The following BLNK variants were observed in gnomAD, a reference collection of about 807,000 sequenced individuals.
The protein encoded by BLNK is B cell linker.
Under a neutral mutation model 73.5 loss-of-function variants are expected in BLNK, and 29 were observed. That is an observed-to-expected ratio of 0.39 (90% CI 0.29 to 0.54). The LOEUF is 0.54. Among genes scored for constraint, BLNK ranks in the 20% least tolerant of loss-of-function variants. The pLI, the probability that BLNK is intolerant of heterozygous loss-of-function variation, is 0.61. For missense variants in BLNK, 460 were observed against 562.8 expected (o/e 0.82, Z 1.85); for synonymous variants, 176 against 200.8 (o/e 0.88, Z 1.04).
intron 1 of BLNK, among the ~76,000 whole-genome samples, chr10:96,252,213 G>C (rs1322993775): frequency 3.3e-5 from 5 of 151,888 alleles, no homozygotes; most frequent in African/African-American, 4.8e-5. Flanking sequence ...CACCATGCCG[G>C]GCTAATTTTT....
chr10:96,244,721 A>G (rs543218154), intron 2 of BLNK, among the ~76,000 whole-genome samples: 1 of 152,278 alleles, frequency 6.6e-6, no homozygotes, highest in Non-Finnish European at 1.5e-5. Context: ...CTGAGAAGAA[A>G]CATGGTTTGT....
chr10:96,235,147 C>T (rs1230249844), intron 3 of BLNK, among the ~76,000 whole-genome samples: 1 of 152,228 alleles, frequency 6.6e-6, no homozygotes, highest in Admixed American at 6.5e-5. Context: ...GGCTTAAGCT[C>T]TGGGGTCAGA....
chr10:96,268,328 A>G (rs1554914759), intron 1 of BLNK, among the ~76,000 whole-genome samples: 1 of 152,196 alleles, frequency 6.6e-6, no homozygotes, highest in African/African-American at 2.4e-5. Context: ...AGAAAGGTGA[A>G]ATTTTTATGA....
intron 13 of BLNK, among the ~76,000 whole-genome samples, chr10:96,202,882 G>A (rs1554896576): frequency 6.6e-6 from 1 of 152,182 alleles, no homozygotes; most frequent in Admixed American, 6.5e-5. Flanking sequence ...CCAGCTCTTT[G>A]TGGAATGAGC....
intron 9 of BLNK, among the ~76,000 whole-genome samples, chr10:96,209,313 C>T (rs2083893688): frequency 1.3e-5 from 2 of 152,216 alleles, no homozygotes; most frequent in Admixed American, 1.3e-4. Flanking sequence ...TCTTGTGGAA[C>T]ACTGTAAGTT....
chr10:96,195,023 C>T (rs587645598), intron 16 of BLNK, among the ~76,000 whole-genome samples: 286 of 152,104 alleles, frequency 1.9e-3, no homozygotes, highest in African/African-American at 6.7e-3. Context: ...CCCGTCTCGG[C>T]CTCCCAAAGT....
rs368334621 is a variant in BLNK at position 96,191,603 on chromosome 10, A to G, written c.*370T>C. The G allele has an allele frequency of 1.1e-5, 2 of 185,628 alleles. No homozygotes were observed. The highest frequency in any genetic ancestry group is 1.1e-4 in the South Asian group (1 of 9,302). The allele number at this position is 185,628 out of a possible 1,614,324, so 11.5% of individuals were successfully genotyped here. On this transcript the variant is annotated 3_prime_UTR_variant, in exon 17 of 17. Coordinates refer to ENST00000224337, the MANE Select transcript of BLNK (RefSeq NM_013314.4). Reference sequence around the variant, plus strand: ...CATTGGCAGTGGAGAGCCCAGCTACATTAGTGTACCAATGATCATTGTGGA... The same window carrying G: ...CATTGGCAGTGGAGAGCCCAGCTACGTTAGTGTACCAATGATCATTGTGGA...
chr10:96,211,096 T>C (rs1350389354), intron 8 of BLNK, among the ~76,000 whole-genome samples: 1 of 152,078 alleles, frequency 6.6e-6, no homozygotes, highest in Non-Finnish European at 1.5e-5. Flanking sequence ...ACTCCTGGAC[T>C]CAATCCATCC....
intron 1 of BLNK, among the ~76,000 whole-genome samples, chr10:96,265,945 CA>C (rs1843978209): frequency 6.6e-6 from 1 of 152,188 alleles, no homozygotes; most frequent in Non-Finnish European, 1.5e-5. Flanking sequence ...CCCTTGGGGA[CA>C]AAATTGCCCC....
intron 1 of BLNK, among the ~76,000 whole-genome samples, chr10:96,267,137 G>A (rs1564856700): frequency 6.6e-6 from 1 of 152,198 alleles, no homozygotes; most frequent in Non-Finnish European, 1.5e-5. Context: ...CTTTGAGAAT[G>A]TAACATATGT....
intron 2 of BLNK, 133 bp downstream of exon 2, chr10:96,246,851 C>T (rs1843063145): frequency 1.6e-6 from 1 of 642,758 alleles, no homozygotes; most frequent in Admixed American, 2.8e-5. Flanking sequence ...GGATTCCAGC[C>T]AATAGTAAAG....
At chr10:96,238,389 A>C (rs899767574) in intron 3 of BLNK, among the ~76,000 whole-genome samples, 6 of 152,166 alleles carry the variant, frequency 3.9e-5, no homozygotes, top group Admixed American at 6.5e-5. Flanking sequence ...GAGGACATAA[A>C]TCCAATGTGT....
chr10:96,229,417 G>T lies in BLNK; in HGVS notation c.204+1377C>A, dbSNP rs1464126484. Among the ~76,000 whole-genome samples the T allele has an allele frequency of 3.3e-5, 5 of 152,054 alleles. No homozygotes were observed. The East Asian group carries it at 9.6e-4, about 29-fold the overall frequency. ...CTGGATTTCATTCTGCGTGCAGTGG[G>T]GATCCATCTACTGAAGTCAAAAGAG... is the stretch of plus-strand genomic sequence containing the variant. On this transcript the variant is annotated intron_variant, in intron 4 of 16. Coordinates refer to ENST00000224337, the MANE Select transcript of BLNK (RefSeq NM_013314.4).
intron 3 of BLNK, among the ~76,000 whole-genome samples, chr10:96,240,055 C>T (rs942104982): frequency 2.6e-5 from 4 of 152,214 alleles, no homozygotes; most frequent in Non-Finnish European, 5.9e-5. Flanking sequence ...TCTTCCCACA[C>T]CACCTAAGCT....
At chr10:96,215,438 AC>A in intron 7 of BLNK, 49 bp from the exon 8 acceptor site, 1 of 1,502,178 alleles carries the variant, frequency 6.7e-7, no homozygotes, top group Non-Finnish European at 9.1e-7. Flanking sequence ...TATACATAAA[AC>A]CATTACAGAT....
intron 1 of BLNK, among the ~76,000 whole-genome samples, chr10:96,265,127 T>C (rs1388343264): frequency 7.0e-6 from 1 of 143,738 alleles, no homozygotes; most frequent in Non-Finnish European, 1.5e-5. Flanking sequence ...GACTTATTTA[T>C]TTATTTATTT....
chr10:96,264,932 G>A (rs1843925568), intron 1 of BLNK, among the ~76,000 whole-genome samples: 1 of 152,102 alleles, frequency 6.6e-6, no homozygotes, highest in African/African-American at 2.4e-5. Flanking sequence ...GATAAGCACA[G>A]TGTGTGCACC....
chr10:96,248,343 A>T (rs782406962), intron 1 of BLNK, among the ~76,000 whole-genome samples: 128 of 152,352 alleles, frequency 8.4e-4, no homozygotes, highest in Non-Finnish European at 1.7e-3. Flanking sequence ...AAAAGATATG[A>T]ACACACAGCT....
intron 16 of BLNK, among the ~76,000 whole-genome samples, chr10:96,194,173 A>C (rs1456262272): frequency 6.6e-6 from 1 of 152,204 alleles, no homozygotes; most frequent in East Asian, 1.9e-4. Flanking sequence ...AATTTGTGAG[A>C]GAATTTCAGG....
Sources: allele counts gnomAD v4.1 joint callset (sites outside exome capture counted in the v4.1 genomes callset), GRCh38; gene constraint gnomAD v4.1.1; transcripts MANE v1.5; gene names NCBI Gene and HGNC (gene_info 2026-07-23, HGNC 2026-07-21).